Variants in LIMCH1 observed in about 807,000 individuals in gnomAD.
LIMCH1 encodes the protein LIM and calponin homology domains 1.
Under a neutral mutation model 176.5 loss-of-function variants are expected in LIMCH1, and 113 were observed. That is an observed-to-expected ratio of 0.64 (90% confidence interval 0.55 to 0.75). LIMCH1 has a LOEUF of 0.75. Ranked by LOEUF, LIMCH1 falls within the 30% of genes least tolerant of loss-of-function variation. The pLI is 0.00. For synonymous variants in LIMCH1, 619 were observed against 645.9 expected (o/e 0.96, Z 0.63); for missense variants, 1,674 against 1,814.9 (o/e 0.92, Z 1.41).
chr4:41,587,908 AT>A (rs2086758110), intron 1 of LIMCH1, among the ~76,000 whole-genome samples: 1 of 152,224 alleles, frequency 6.6e-6, no homozygotes, highest in African/African-American at 2.4e-5. Flanking sequence ...ACCGTAACAT[AT>A]CAAACTTTAT....
intron 17 of LIMCH1, among the ~76,000 whole-genome samples, chr4:41,649,760 C>T (rs1463728362): frequency 1.3e-5 from 2 of 152,184 alleles, no homozygotes; most frequent in Admixed American, 1.3e-4. Flanking sequence ...TTTCTTGCTC[C>T]AACTGCCTCC....
At position 41,644,467 on chromosome 4, in the gene LIMCH1, G is replaced by C. The variant is rs1317593743; in HGVS notation, c.2127-33G>C. On this transcript the variant is annotated intron_variant, in intron 14 of 31. Coordinates refer to ENST00000503057, the MANE Select transcript of LIMCH1 (RefSeq NM_001330672.2). ...CGGAGACGCGACGGGCGCTGATCGC[G>C]GTCCCTCTTGTGTTCGCTCTCTCCA... The C allele has an allele frequency of 3.4e-6, 5 of 1,460,326 alleles. No individual in the cohort carries two copies. In the Admixed American group the frequency reaches 7.9e-5, roughly 23 times the overall value. The allele number at this position is 1,460,326 out of a possible 1,614,324, so 90.5% of individuals were successfully genotyped here.
chr4:41,361,507 G>A (rs2052041910), intron 1 of LIMCH1, among the ~76,000 whole-genome samples: 1 of 152,244 alleles, frequency 6.6e-6, no homozygotes. Context: ...GGCGGGGGTA[G>A]CTTGCAAGAC....
intron 22 of LIMCH1, among the ~76,000 whole-genome samples, chr4:41,672,559 C>G (rs949463236): frequency 1.3e-5 from 2 of 152,280 alleles, no homozygotes; most frequent in Admixed American, 6.5e-5. Flanking sequence ...TGCACCCCTT[C>G]TCATAATGAG....
At position 41,676,352 on chromosome 4, in the gene LIMCH1, T is replaced by C. The variant is rs111886657; in HGVS notation, c.3439-30T>C. 1.1e-5 allele frequency: 18 copies of C among 1,594,484 alleles called. 1 individual carries two copies. The African/African-American group carries it at 1.5e-4, about 13-fold the overall frequency. On this transcript the variant is annotated intron_variant, in intron 22 of 31. Coordinates refer to ENST00000503057, the MANE Select transcript of LIMCH1 (RefSeq NM_001330672.2). ...CCTGTCCCTTGAGGACATGGCTCAATTCTGATCATGGTTTCATTTTTCTAA... is the reference window on the plus strand; with the variant it reads ...CCTGTCCCTTGAGGACATGGCTCAACTCTGATCATGGTTTCATTTTTCTAA...
intron 1 of LIMCH1, among the ~76,000 whole-genome samples, chr4:41,368,426 C>T (rs1196643405): frequency 6.6e-6 from 1 of 152,084 alleles, no homozygotes; most frequent in Non-Finnish European, 1.5e-5. Flanking sequence ...AGAGATTAAA[C>T]AATACATATA....
At chr4:41,586,256 A>T (rs909318467) in intron 1 of LIMCH1, among the ~76,000 whole-genome samples, 68 of 151,716 alleles carry the variant, frequency 4.5e-4, no homozygotes, top group African/African-American at 1.6e-3. Flanking sequence ...CTATAGGCAC[A>T]TGTCACCATG....
intron 1 of LIMCH1, among the ~76,000 whole-genome samples, chr4:41,471,753 AT>A (rs2066989166): frequency 6.6e-6 from 1 of 152,072 alleles, no homozygotes; most frequent in African/African-American, 2.4e-5. Context: ...TGTGTTTTGT[AT>A]CTGTATTGTG....
intron 17 of LIMCH1, among the ~76,000 whole-genome samples, chr4:41,648,208 A>T (rs1234176319): frequency 6.6e-6 from 1 of 152,210 alleles, no homozygotes; most frequent in Non-Finnish European, 1.5e-5. Flanking sequence ...GATAGAGAAT[A>T]CATTTATTTA....
At chr4:41,670,668 A>T in intron 21 of LIMCH1, 5 of 1,368,974 alleles carry the variant, frequency 3.7e-6, no homozygotes, top group Non-Finnish European at 4.0e-6. Context: ...TTCAGTTCTC[A>T]CCCCAGTTTT....
Position 41,558,833 on chromosome 4 carries a change from A to G in LIMCH1, c.-241+20483A>G, listed in dbSNP as rs144830389. On this transcript the variant is annotated intron_variant, in intron 1 of 31. Transcript: ENST00000503057. ...ATGAATGATTGGATTGATGCTATAA[A>G]GAGGAGGGTTCCTGTATATAATCTC... Among the ~76,000 whole-genome samples the G allele has an allele frequency of 1.8e-3, 269 of 152,328 alleles. 2 individuals carry two copies. Among genetic ancestry groups the G allele is most frequent in the African/African-American group, 6.2e-3 (257 of 41,584 alleles).
At chr4:41,433,948 C>A (rs578142645) in intron 1 of LIMCH1, among the ~76,000 whole-genome samples, 5 of 152,256 alleles carry the variant, frequency 3.3e-5, no homozygotes, top group African/African-American at 1.2e-4. Flanking sequence ...GTGGGAACAC[C>A]AAGGGCGGAG....
At chr4:41,640,600 G>C (rs6848577) in intron 14 of LIMCH1, among the ~76,000 whole-genome samples, 3,099 of 152,102 alleles carry the variant, frequency 0.02, 27 homozygotes, top group Non-Finnish European at 0.023. Flanking sequence ...CCAAAGTGCT[G>C]AGTTTCCTGC....
chr4:41,647,032 T>C (rs2094093765), intron 17 of LIMCH1, 139 bp downstream of exon 17: 2 of 816,260 alleles, frequency 2.5e-6, no homozygotes, highest in Admixed American at 2.9e-5. Flanking sequence ...GTGAAAGTCA[T>C]AGGTCTCTGG....
chr4:41,693,055 G>A (rs1196729136), intron 31 of LIMCH1: 2 of 152,256 alleles, frequency 1.3e-5, no homozygotes, highest in Non-Finnish European at 2.9e-5. Context: ...GGGCAGCAGG[G>A]GGTGCTGTTG....
At position 41,626,349 on chromosome 4, in the gene LIMCH1, G is replaced by T. The variant is rs550869105; in HGVS notation, c.726-359G>T. On this transcript the variant is annotated intron_variant, in intron 7 of 31. Coordinates refer to ENST00000503057, the MANE Select transcript of LIMCH1 (RefSeq NM_001330672.2). The stretch of plus-strand genomic sequence containing the variant: ...TCAAAAACAAATTAAGTGTCTACTG[G>T]GTACTCATGTGCTAAAGAAAAAGGA... Among the ~76,000 whole-genome samples the T allele has an allele frequency of 1.4e-4, 21 of 152,056 alleles. No individual in the cohort carries two copies. The East Asian group carries it at 3.9e-3, about 28-fold the overall frequency.
At chr4:41,379,313 C>G (rs1329969408) in intron 1 of LIMCH1, among the ~76,000 whole-genome samples, 2 of 152,140 alleles carry the variant, frequency 1.3e-5, no homozygotes, top group African/African-American at 4.8e-5. Flanking sequence ...GTATTAGTTC[C>G]TGTCATCTAG....
At position 41,619,348 on chromosome 4, in the gene LIMCH1, C is replaced by G; in HGVS notation, c.366C>G (p.Pro122=). 6 of 1,614,170 alleles carry G rather than the reference C, an allele frequency of 3.7e-6. No individual in the cohort carries two copies. The highest frequency in any genetic ancestry group is 5.1e-6 in the Non-Finnish European group (6 of 1,180,048). The change falls in exon 6 of 32, where the codon CCC becomes CCG. Residue 122 remains proline (P), a synonymous_variant. Coordinates refer to ENST00000503057, the MANE Select transcript of LIMCH1 (RefSeq NM_001330672.2). The stretch of plus-strand genomic sequence containing the variant: ...AAAGCAATCAGACGGCCTACGTCCC[C>G]GCGCCTCTGAGAAAGAAGAAAGCAG... ...PNKSNQTAYV[P]APLRKKKAER... is the part of the protein sequence containing the mutation.
chr4:41,411,732 G>A (rs1433904880), intron 1 of LIMCH1, among the ~76,000 whole-genome samples: 3 of 151,484 alleles, frequency 2.0e-5, no homozygotes, highest in East Asian at 1.9e-4. Context: ...AGGCCGGGGC[G>A]GGCAGATCAT....
Sources: gnomAD v4.1 joint callset for allele counts (sites outside exome capture counted in the v4.1 genomes callset) on GRCh38, gnomAD v4.1.1 for gene constraint, MANE v1.5 for transcripts, NCBI Gene and HGNC (gene_info 2026-07-23, HGNC 2026-07-21) for gene names.